INSR: variants seen among roughly 807,000 people sequenced by gnomAD.
INSR encodes the protein IR.
In INSR, 67 loss-of-function variants were observed where a neutral mutation model predicts 142.6. That is an observed-to-expected ratio of 0.47 (90% CI 0.39 to 0.58). The LOEUF is 0.58. INSR is among the 20% of genes least tolerant of loss of function. INSR has a pLI of 0.00. For synonymous variants in INSR, 756 were observed against 743.1 expected (o/e 1.02, Z -0.28); for missense variants, 1,248 against 1,833.2 (o/e 0.68, Z 5.83).
chr19:7,178,608 A>G (rs1490486865), intron 3 of INSR, among the ~76,000 whole-genome samples: 1 of 152,036 alleles, frequency 6.6e-6, no homozygotes, highest in African/African-American at 2.4e-5. Context: ...AGTCCCAGCT[A>G]CTCGGGGGGC....
intron 8 of INSR, among the ~76,000 whole-genome samples, chr19:7,165,385 G>A (rs967476207): frequency 1.3e-5 from 2 of 152,052 alleles, no homozygotes; most frequent in Non-Finnish European, 2.9e-5. Flanking sequence ...GGGAACAGGC[G>A]TCGAGATGAA....
intron 13 of INSR, among the ~76,000 whole-genome samples, chr19:7,134,076 G>A (rs961004007): frequency 2.0e-5 from 3 of 151,904 alleles, no homozygotes; most frequent in African/African-American, 7.3e-5. Context: ...CTACTTGGGA[G>A]GCTGAGGCAG....
rs1974367647 is a variant in INSR at position 7,184,533 on chromosome 19, C to T, written c.757G>A (p.Val253Met). ...CSQPDDPTKC[V>M]ACRNFYLDGR... ...TCCAGGTAGAAGTTGCGGCAGGCCA[C>T]GCACTTGGTGGGGTCGTCGGGCTGA... The change falls in exon 3 of 22, where the codon GTG becomes ATG. Residue 253 changes from valine (V) to methionine (M), a missense_variant. Around this residue, in one of 3 missense-constraint regions of INSR, gnomAD observed 1,069 missense variants for 1,654.0 expected, o/e 0.65. Coordinates refer to ENST00000302850, the MANE Select transcript of INSR (RefSeq NM_000208.4). 3.7e-6 allele frequency: 6 copies of T among 1,613,816 alleles called. No individual in the cohort carries two copies. The highest frequency in any genetic ancestry group is 1.6e-4 in the Middle Eastern group (1 of 6,084).
chr19:7,287,828 T>G (rs897327740), intron 1 of INSR, among the ~76,000 whole-genome samples: 15 of 152,194 alleles, frequency 9.9e-5, no homozygotes, highest in Non-Finnish European at 2.2e-4. Flanking sequence ...CTGTTCCAGA[T>G]CAGAGGTCAG....
intron 2 of INSR, among the ~76,000 whole-genome samples, chr19:7,251,059 T>G (rs1328828032): frequency 6.6e-6 from 1 of 152,038 alleles, no homozygotes; most frequent in East Asian, 1.9e-4. Flanking sequence ...TCTTTGTGGC[T>G]GGGCTGTCTC....
chr19:7,260,850 G>A (rs536112610), intron 2 of INSR, among the ~76,000 whole-genome samples: 1 of 151,078 alleles, frequency 6.6e-6, no homozygotes, highest in African/African-American at 2.4e-5. Flanking sequence ...AACGAGACTG[G>A]AAGCCGGTGC....
chr19:7,226,287 G>A (rs1456329080), intron 2 of INSR, among the ~76,000 whole-genome samples: 1 of 151,914 alleles, frequency 6.6e-6, no homozygotes, highest in Admixed American at 6.6e-5. Flanking sequence ...GCGTGTGCCT[G>A]TAGTCCCAGC....
At chr19:7,247,357 C>T (rs1015199297) in intron 2 of INSR, among the ~76,000 whole-genome samples, 6 of 152,150 alleles carry the variant, frequency 3.9e-5, no homozygotes, top group African/African-American at 1.2e-4. Context: ...TTCTTGGTGA[C>T]CCACAGACAA....
chr19:7,215,290 G>A (rs746112165), intron 2 of INSR, among the ~76,000 whole-genome samples: 1 of 152,040 alleles, frequency 6.6e-6, no homozygotes, highest in Non-Finnish European at 1.5e-5. Context: ...AGGACACCAG[G>A]GAAGGTCACT....
At chr19:7,156,317 T>A (rs990709616) in intron 9 of INSR, among the ~76,000 whole-genome samples, 1 of 151,998 alleles carries the variant, frequency 6.6e-6, no homozygotes, top group African/African-American at 2.4e-5. Context: ...CACCTCGGCC[T>A]CCCAAAGTGC....
intron 13 of INSR, among the ~76,000 whole-genome samples, chr19:7,135,057 G>A (rs1047475750): frequency 2.0e-5 from 3 of 148,018 alleles, no homozygotes; most frequent in South Asian, 2.1e-4. Context: ...ACATTTAGGA[G>A]GGGGGTGGAG....
At chr19:7,152,602 T>C in intron 10 of INSR, 124 bp downstream of exon 10, 2 of 844,736 alleles carry the variant, frequency 2.4e-6, no homozygotes, top group Non-Finnish European at 4.1e-6. Context: ...AAGGGCTCCA[T>C]TCAGACTCCA....
chr19:7,119,482 T>C lies in INSR; in HGVS notation c.3761A>G (p.Tyr1254Cys). The change falls in exon 21 of 22, where the codon TAT becomes TGT. Residue 1254 changes from tyrosine to cysteine, a missense_variant. Tyr to Cys is a radical substitution (Grantham distance 194). Transcript: ENST00000302850. This position sits in a 1 kb window ranked among gnomAD's most constrained non-coding sequence, Gnocchi z 5.2. ...QVLKFVMDGGYLDQPDNCPER... is the reference protein window; with the variant it reads ...QVLKFVMDGGCLDQPDNCPER... ...TGGACAGTTGTCGGGTTGATCCAGA[T>C]ACCCTCCATCCATGACAAATTTCAA... The C allele has an allele frequency of 1.2e-6, 2 of 1,614,152 alleles. No homozygotes were observed. Among genetic ancestry groups the C allele is most frequent in the Non-Finnish European group, 1.7e-6 (2 of 1,180,020 alleles).
At chr19:7,174,119 GAAAAAAATT>G (rs1481264053) in intron 4 of INSR, among the ~76,000 whole-genome samples, 1 of 148,674 alleles carries the variant, frequency 6.7e-6, no homozygotes, top group South Asian at 2.1e-4. Flanking sequence ...CCTGGCCCTG[GAAAAAAATT>G]AAAAAAAAAA....
chr19:7,176,039 G>A (rs1974127769), intron 3 of INSR, among the ~76,000 whole-genome samples: 1 of 152,178 alleles, frequency 6.6e-6, no homozygotes, highest in Non-Finnish European at 1.5e-5. Context: ...ACCCCACAGT[G>A]ATGGGATTCA....
chr19:7,293,716 G>A, intron 1 of INSR, 76 bp downstream of exon 1: 1 of 1,199,876 alleles, frequency 8.3e-7, no homozygotes, highest in South Asian at 2.6e-5. Flanking sequence ...CCACAAGCGG[G>A]GGCTCGATTT....
rs1385033968 is a variant in INSR, at chr19:7,159,298, T to A, written c.2029+3734A>T. The A allele has an allele frequency of 2.0e-5, 3 of 152,212 alleles. No homozygotes were observed. The allele number at this position is 152,212 out of a possible 1,614,324, so 9.4% of individuals were successfully genotyped here. ...CACCATCATCTCCGGAACTTTCTCA[T>A]CTTCCCAAACTGAAACTCTGTCCTC... On this transcript the variant is annotated intron_variant, in intron 9 of 21. Transcript: ENST00000302850. The surrounding 1 kb of genome is among the most constrained non-coding windows in gnomAD (Gnocchi z 4.3).
chr19:7,150,446 C>T lies in INSR; in HGVS notation c.2267+51G>A, dbSNP rs778318826. 5.0e-6 allele frequency: 8 copies of T among 1,589,200 alleles called. No individual in the cohort carries two copies. In the Admixed American group the frequency reaches 8.4e-5, roughly 17 times the overall value. ...TTCTCCGAGGCATCTGCCTGGCACGCCGCCGGCCCTGCGCGGAGCAGGCAC... is the reference window on the plus strand; with the variant it reads ...TTCTCCGAGGCATCTGCCTGGCACGTCGCCGGCCCTGCGCGGAGCAGGCAC... On this transcript the variant is annotated intron_variant, in intron 11 of 21. Transcript: ENST00000302850. This position sits in a 1 kb window ranked among gnomAD's most constrained non-coding sequence, Gnocchi z 4.2.
chr19:7,119,746 A>G lies in INSR; in HGVS notation c.3660-163T>C, dbSNP rs1972435136. Reference sequence around the variant, plus strand: ...CAAACACACACGCACATACACGTGCACACACATGCAAATACACACAAACAC... The same window carrying G: ...CAAACACACACGCACATACACGTGCGCACACATGCAAATACACACAAACAC... On this transcript the variant is annotated intron_variant, in intron 20 of 21. Transcript: ENST00000302850. This position sits in a 1 kb window ranked among gnomAD's most constrained non-coding sequence, Gnocchi z 5.2. Among the ~76,000 whole-genome samples, 1 of 148,326 alleles carries G rather than the reference A, an allele frequency of 6.7e-6. No homozygotes were observed. The highest frequency in any genetic ancestry group is 6.7e-5 in the Admixed American group (1 of 14,820).
Sources: gnomAD v4.1 joint callset for allele counts (sites outside exome capture counted in the v4.1 genomes callset) on GRCh38, gnomAD v4.1.1 for gene constraint, gnomAD v4.1.1 regional missense constraint, Gnocchi (gnomAD v3.1) non-coding constraint, MANE v1.5 for transcripts, NCBI Gene and HGNC (gene_info 2026-07-23, HGNC 2026-07-21) for gene names.